The following GABBR2 variants were observed in gnomAD, a reference collection of about 807,000 sequenced individuals.
GABBR2 encodes gamma-aminobutyric acid type B receptor subunit 2.
A neutral mutation model predicts 105.6 loss-of-function variants in GABBR2; 23 were observed. The observed-to-expected ratio is 0.22, with a 90% confidence interval of 0.16 to 0.31. GABBR2 has a LOEUF of 0.31. Ranked by LOEUF, GABBR2 falls within the 10% of genes least tolerant of loss-of-function variation. GABBR2 has a pLI of 1.00. For missense variants in GABBR2, 734 were observed against 1,245.5 expected (o/e 0.59, Z 6.18); for synonymous variants, 478 against 499.7 (o/e 0.96, Z 0.58).
intron 1 of GABBR2, among the ~76,000 whole-genome samples, chr9:98,663,730 C>G (rs1045177279): frequency 7.9e-5 from 12 of 151,768 alleles, no homozygotes; most frequent in Non-Finnish European, 1.5e-5. Context: ...ACCTGAAAGC[C>G]TCCGTCTGAA....
At chr9:98,415,402 A>G (rs1204771146) in intron 7 of GABBR2, among the ~76,000 whole-genome samples, 1 of 152,004 alleles carries the variant, frequency 6.6e-6, no homozygotes, top group Admixed American at 6.5e-5. Context: ...ATAATTTTAC[A>G]GATTAATTTA....
chr9:98,617,737 A>G (rs2131818921), intron 1 of GABBR2, among the ~76,000 whole-genome samples: 1 of 152,296 alleles, frequency 6.6e-6, no homozygotes, highest in Non-Finnish European at 1.5e-5. Flanking sequence ...ATTTGTTGGC[A>G]CACAAAAAAA....
intron 3 of GABBR2, among the ~76,000 whole-genome samples, chr9:98,534,121 G>A (rs569830044): frequency 5.3e-5 from 8 of 152,378 alleles, no homozygotes; most frequent in African/African-American, 1.9e-4. Flanking sequence ...AAGGGGTAAA[G>A]GTTTCAAAGG....
intron 11 of GABBR2, among the ~76,000 whole-genome samples, chr9:98,379,848 C>T (rs1231907608): frequency 6.6e-6 from 1 of 152,040 alleles, no homozygotes; most frequent in Non-Finnish European, 1.5e-5. Flanking sequence ...CTGAATTGTA[C>T]ACATTAAAAG....
At chr9:98,610,387 C>T (rs1286832485) in intron 1 of GABBR2, among the ~76,000 whole-genome samples, 3 of 152,226 alleles carry the variant, frequency 2.0e-5, no homozygotes, top group Non-Finnish European at 2.9e-5. Flanking sequence ...GTCCTTAGCA[C>T]TGCGCTGGCT....
At chr9:98,384,137 GGCAGGGGACTGGATGAATTACT>G in intron 11 of GABBR2, among the ~76,000 whole-genome samples, 1 of 152,330 alleles carries the variant, frequency 6.6e-6, no homozygotes, top group East Asian at 1.9e-4. Context: ...TGGTCTTCCA[GGCAGGGGACTGGATGAATTACT>G]GCATGTGGGA....
At chr9:98,632,272 T>C (rs1192614519) in intron 1 of GABBR2, among the ~76,000 whole-genome samples, 1 of 152,210 alleles carries the variant, frequency 6.6e-6, no homozygotes, top group Non-Finnish European at 1.5e-5. Context: ...AGTTTCCTCA[T>C]CTGCAAAATG....
In GABBR2 at chr9:98,494,231, G is replaced by A. The variant is rs184435820; in HGVS notation, c.732+2182C>T. ...TAGTTTGTGATACTTTGTCGCAGCA[G>A]TCCCAGGAAATGAAAATAGATATCA... On this transcript the variant is annotated intron_variant, in intron 4 of 18. Coordinates refer to ENST00000259455, the MANE Select transcript of GABBR2 (RefSeq NM_005458.8). Among the ~76,000 whole-genome samples the A allele has an allele frequency of 3.3e-5, 5 of 152,296 alleles. No individual in the cohort carries two copies. The East Asian group carries it at 9.7e-4, about 29-fold the overall frequency.
Position 98,542,022 on chromosome 9 carries a change from G to C in GABBR2, c.481C>G (p.Pro161Ala). 1 of 1,614,114 alleles carries C rather than the reference G, an allele frequency of 6.2e-7. No individual in the cohort carries two copies. Among genetic ancestry groups the C allele is most frequent in the Non-Finnish European group, 8.5e-7 (1 of 1,179,978 alleles). The change falls in exon 3 of 19, where the codon CCT becomes GCT. Residue 161 changes from proline (P) to alanine (A), a missense_variant. Physicochemically the swap from Pro to Ala is conservative, Grantham distance 27. Transcript: ENST00000259455. Reference sequence around the variant, plus strand: ...TATTTTTTCTTATCGGCTAGAACAGGCGTGGTTGCAGCAAAAGAAAGCTGA... The same window carrying C: ...TATTTTTTCTTATCGGCTAGAACAGCCGTGGTTGCAGCAAAAGAAAGCTGA... ...LVQLSFAATT[P>A]VLADKKKYPY...
At chr9:98,690,514 G>T (rs931001159) in intron 1 of GABBR2, among the ~76,000 whole-genome samples, 2 of 152,140 alleles carry the variant, frequency 1.3e-5, no homozygotes, top group African/African-American at 4.8e-5. Flanking sequence ...GTGTAGAGAA[G>T]GAATAGCCCG....
intron 1 of GABBR2, among the ~76,000 whole-genome samples, chr9:98,606,214 A>C (rs1829419037): frequency 6.6e-6 from 1 of 152,228 alleles, no homozygotes; most frequent in Non-Finnish European, 1.5e-5. Context: ...TGCTATTGTG[A>C]ATAGTGCCGC....
At chr9:98,703,692 A>G (rs1588289964) in intron 1 of GABBR2, among the ~76,000 whole-genome samples, 1 of 151,860 alleles carries the variant, frequency 6.6e-6, no homozygotes, top group Admixed American at 6.6e-5. Context: ...GGGTCTCCCT[A>G]TGTTGCTCAG....
intron 3 of GABBR2, among the ~76,000 whole-genome samples, chr9:98,511,017 T>C (rs1827629735): frequency 6.6e-6 from 1 of 152,242 alleles, no homozygotes; most frequent in Admixed American, 6.5e-5. Flanking sequence ...AAAGCACTCC[T>C]CAGCAAATGT....
At chr9:98,575,218 C>A (rs1741950890) in intron 2 of GABBR2, among the ~76,000 whole-genome samples, 2 of 152,102 alleles carry the variant, frequency 1.3e-5, no homozygotes, top group Admixed American at 1.3e-4. Context: ...CTTTAGCAGC[C>A]CCCTAGGAGC....
At chr9:98,594,078 C>T (rs1211848097) in intron 1 of GABBR2, among the ~76,000 whole-genome samples, 1 of 152,218 alleles carries the variant, frequency 6.6e-6, no homozygotes, top group Non-Finnish European at 1.5e-5. Flanking sequence ...CCCCAACACC[C>T]CAACATCTCA....
chr9:98,306,106 G>A lies in GABBR2; in HGVS notation c.2229+15C>T, dbSNP rs930278779. On this transcript the variant is annotated intron_variant, in intron 15 of 18. Transcript: ENST00000259455. This position sits in a 1 kb window ranked among gnomAD's most constrained non-coding sequence, Gnocchi z 5.4. ...TCAGAGGGCAGAGGCCAGGTGGTGG[G>A]GCCAGCGCCTGTACCTTCGGCACGA... The A allele has an allele frequency of 2.5e-6, 4 of 1,593,776 alleles. No individual in the cohort carries two copies. In the Admixed American group the frequency reaches 5.0e-5, roughly 20 times the overall value.
chr9:98,638,316 G>A (rs562234545), intron 1 of GABBR2, among the ~76,000 whole-genome samples: 4 of 152,306 alleles, frequency 2.6e-5, no homozygotes, highest in South Asian at 2.1e-4. Context: ...AGTTGTGAGC[G>A]TGCTTGAAGA....
chr9:98,692,012 A>G (rs1250962756), intron 1 of GABBR2, among the ~76,000 whole-genome samples: 1 of 152,196 alleles, frequency 6.6e-6, no homozygotes, highest in Admixed American at 6.5e-5. Flanking sequence ...GCAGTCACTG[A>G]TAACTATCAG....
chr9:98,666,596 G>T (rs1334347374), intron 1 of GABBR2, among the ~76,000 whole-genome samples: 1 of 152,142 alleles, frequency 6.6e-6, no homozygotes, highest in African/African-American at 2.4e-5. Context: ...TGCCTGGACT[G>T]GTCAGACCTC....
Sources: gnomAD v4.1 joint callset for allele counts (sites outside exome capture counted in the v4.1 genomes callset) on GRCh38, gnomAD v4.1.1 for gene constraint, Gnocchi (gnomAD v3.1) non-coding constraint, MANE v1.5 for transcripts, NCBI Gene and HGNC (gene_info 2026-07-23, HGNC 2026-07-21) for gene names.